The following PLA2G7 variants were observed in gnomAD, a reference collection of about 807,000 sequenced individuals.
The protein encoded by PLA2G7 is phospholipase A2 group VII.
In PLA2G7, 63 loss-of-function variants were observed where a neutral mutation model predicts 49.6. The observed-to-expected ratio is 1.27, with a 90% CI of 1.04 to 1.57. The LOEUF is 1.57. Among genes scored for constraint, PLA2G7 ranks in the 40% most tolerant of loss-of-function variants. PLA2G7 has a pLI of 0.00. For synonymous variants in PLA2G7, 193 were observed against 169.9 expected (o/e 1.14, Z -1.06); for missense variants, 596 against 521.2 (o/e 1.14, Z -1.40).
intron 9 of PLA2G7, among the ~76,000 whole-genome samples, chr6:46,708,459 ATTTC>A (rs1452174745): frequency 6.6e-6 from 1 of 152,206 alleles, no homozygotes; most frequent in Admixed American, 6.5e-5. Context: ...ATACATAATA[ATTTC>A]TTCAACACTG....
At chr6:46,712,223 A>AT in intron 6 of PLA2G7, 46 bp downstream of exon 6, 1 of 1,145,534 alleles carries the variant, frequency 8.7e-7, no homozygotes, top group East Asian at 2.3e-5. Context: ...GAGCATTGAC[A>AT]TTCCCTGTAG....
intron 10 of PLA2G7, among the ~76,000 whole-genome samples, chr6:46,707,075 C>T (rs534907466): frequency 8.5e-5 from 13 of 152,176 alleles, no homozygotes; most frequent in Non-Finnish European, 1.6e-4. Context: ...AATATCTCAT[C>T]GAGAGTTCAA....
At chr6:46,706,108 T>G (rs555198300) in intron 10 of PLA2G7, among the ~76,000 whole-genome samples, 8 of 152,352 alleles carry the variant, frequency 5.3e-5, no homozygotes, top group African/African-American at 1.7e-4. Flanking sequence ...ATGTAAATTA[T>G]GTAATCATCC....
At chr6:46,731,826 T>C (rs965943554) in intron 1 of PLA2G7, among the ~76,000 whole-genome samples, 1 of 152,144 alleles carries the variant, frequency 6.6e-6, no homozygotes, top group African/African-American at 2.4e-5. Context: ...CTCATTCCCA[T>C]TTTGTAGATG....
At chr6:46,729,838 T>C (rs45492494) in intron 1 of PLA2G7, among the ~76,000 whole-genome samples, 372 of 152,110 alleles carry the variant, frequency 2.4e-3, no homozygotes, top group African/African-American at 8.3e-3. Context: ...TCCCCTGGAG[T>C]GGGGGCATAA....
At chr6:46,717,946 G>C (rs974855536) in intron 2 of PLA2G7, among the ~76,000 whole-genome samples, 1 of 152,122 alleles carries the variant, frequency 6.6e-6, no homozygotes, top group Non-Finnish European at 1.5e-5. Flanking sequence ...TTGATCTCCT[G>C]ACCTCGTGAT....
rs1253935154 is a variant in PLA2G7 at position 46,730,573 on chromosome 6, T to C, written c.-35+4607A>G. On this transcript the variant is annotated intron_variant, in intron 1 of 11. Coordinates refer to ENST00000274793, the MANE Select transcript of PLA2G7 (RefSeq NM_005084.4). ...CTGGCGTGAACTGTCCTTATTCTAT[T>C]TGGATGGTGCAAACTGGACCATCCA... is the stretch of plus-strand genomic sequence containing the variant. Among the ~76,000 whole-genome samples the C allele has an allele frequency of 3.9e-5, 6 of 152,130 alleles. No individual in the cohort carries two copies. The South Asian group carries it at 1.2e-3, about 32-fold the overall frequency.
chr6:46,707,281 A>C (rs1273444107), intron 10 of PLA2G7, among the ~76,000 whole-genome samples: 3 of 152,160 alleles, frequency 2.0e-5, no homozygotes, highest in Admixed American at 2.0e-4. Flanking sequence ...ACTTCCCCCT[A>C]GCTCTACCCC....
intron 1 of PLA2G7, among the ~76,000 whole-genome samples, chr6:46,727,598 G>T (rs1765612467): frequency 6.6e-6 from 1 of 152,130 alleles, no homozygotes; most frequent in Non-Finnish European, 1.5e-5. Context: ...TGGCAAAAAA[G>T]AATTAAGATG....
Position 46,712,281 on chromosome 6 carries a change from G to A in PLA2G7, c.527C>T (p.Ala176Val), listed in dbSNP as rs1171780591. 3.1e-6 allele frequency: 5 copies of A among 1,610,596 alleles called. No individual in the cohort carries two copies. In the Admixed American group the frequency reaches 5.0e-5, roughly 16 times the overall value. The change falls in exon 6 of 12, where the codon GCT becomes GTT. Residue 176 changes from alanine (A) to valine (V), a missense_variant. By Grantham distance (64) the Ala-to-Val change is moderately conservative (BLOSUM62 0). Coordinates refer to ENST00000274793, the MANE Select transcript of PLA2G7 (RefSeq NM_005084.4). ...TCAGGTAACATACCTGTGTTCTACA[G>A]CAGCAACTATAAACCCATGAGATGC... is the stretch of plus-strand genomic sequence containing the variant. ...DLASHGFIVA[A>V]VEHRDRSASA...
intron 5 of PLA2G7, among the ~76,000 whole-genome samples, chr6:46,713,138 A>T (rs1765085580): frequency 6.6e-6 from 1 of 152,246 alleles, no homozygotes; most frequent in Admixed American, 6.5e-5. Context: ...TAGTTGAAAA[A>T]TCATGTGCTA....
chr6:46,712,952 T>G (rs1426560015), intron 5 of PLA2G7, among the ~76,000 whole-genome samples: 1 of 152,238 alleles, frequency 6.6e-6, no homozygotes, highest in Admixed American at 6.5e-5. Flanking sequence ...GTACCTTTAA[T>G]AAGTCACAAT....
chr6:46,710,119 CT>C (rs1276757673), intron 8 of PLA2G7, among the ~76,000 whole-genome samples: 2 of 152,130 alleles, frequency 1.3e-5, no homozygotes, highest in African/African-American at 2.4e-5. Context: ...CTAGTTCCCC[CT>C]AATCCCTGCA....
rs1468690480 is a variant in PLA2G7, at chr6:46,705,259, A to G, written c.1083T>C (p.Thr361=). Residue 361 remains threonine, a synonymous_variant, in exon 11 of 12, where the codon ACT becomes ACC. Transcript: ENST00000274793. ...HQNFADFTFA[T]GKIIGHMLKL... The stretch of plus-strand genomic sequence containing the variant: ...TGAGCATGTGTCCAATTATTTTGCC[A>G]GTTGCAAAAGTGAAGTCAGCAAAAT... 1.2e-6 allele frequency: 2 copies of G among 1,611,796 alleles called. No homozygotes were observed. Among genetic ancestry groups the G allele is most frequent in the Non-Finnish European group, 1.7e-6 (2 of 1,178,212 alleles).
At chr6:46,726,476 A>G (rs1040592723) in intron 1 of PLA2G7, among the ~76,000 whole-genome samples, 1 of 152,180 alleles carries the variant, frequency 6.6e-6, no homozygotes, top group African/African-American at 2.4e-5. Flanking sequence ...CTAGAAATGT[A>G]TTTATATTTA....
At chr6:46,716,225 G>A (rs1025137155) in intron 4 of PLA2G7, among the ~76,000 whole-genome samples, 159 bp downstream of exon 4, 6 of 139,450 alleles carry the variant, frequency 4.3e-5, no homozygotes, top group African/African-American at 1.3e-4. Context: ...TGATTCTGTC[G>A]TAGTTGCCTG....
In PLA2G7 at chr6:46,729,290, A is replaced by G. The variant is rs143401891; in HGVS notation, c.-35+5890T>C. On this transcript the variant is annotated intron_variant, in intron 1 of 11. Coordinates refer to ENST00000274793, the MANE Select transcript of PLA2G7 (RefSeq NM_005084.4). The stretch of plus-strand genomic sequence containing the variant: ...ACTAAAAGAAGCCGGAAAAATGATA[A>G]TGGGGACCATAGAGAGAAGGCATTT... Among the ~76,000 whole-genome samples, 8 of 152,174 alleles carry G rather than the reference A, an allele frequency of 5.3e-5. No individual in the cohort carries two copies. In the East Asian group the frequency reaches 1.5e-3, roughly 29 times the overall value.
At chr6:46,723,841 G>C (rs570027275) in intron 1 of PLA2G7, among the ~76,000 whole-genome samples, 1 of 152,140 alleles carries the variant, frequency 6.6e-6, no homozygotes, top group Non-Finnish European at 1.5e-5. Context: ...TGTTACGGGG[G>C]AGAAGCCATT....
intron 1 of PLA2G7, among the ~76,000 whole-genome samples, chr6:46,734,860 GAGAA>G (rs1184063181): frequency 2.0e-5 from 3 of 151,848 alleles, no homozygotes; most frequent in Non-Finnish European, 4.4e-5. Context: ...GAGAGAGAGA[GAGAA>G]AAAAAAGAAA....
Sources: allele counts gnomAD v4.1 joint callset (sites outside exome capture counted in the v4.1 genomes callset), GRCh38; gene constraint gnomAD v4.1.1; transcripts MANE v1.5; gene names NCBI Gene and HGNC (gene_info 2026-07-23, HGNC 2026-07-21).